The following CSMD1 variants were observed in gnomAD, a reference collection of about 807,000 sequenced individuals.
CSMD1 encodes the protein CUB and Sushi multiple domains 1, also known as CUB and sushi domain-containing protein 1.
In CSMD1, 213 loss-of-function variants were observed where a neutral mutation model predicts 417.5. That is an observed-to-expected ratio of 0.51 (90% confidence interval 0.46 to 0.57). The LOEUF is 0.57. Ranked by LOEUF, CSMD1 falls within the 20% of genes least tolerant of loss-of-function variation. The pLI is 0.00. For synonymous variants in CSMD1, 2,862 were observed against 1,736.8 expected, an observed-to-expected ratio of 1.65 and a Z score of -16.11; for missense variants, 6,923 against 4,529.7, an observed-to-expected ratio of 1.53 and a Z score of -15.17.
At chr8:4,538,163 G>A (rs2406706) in intron 2 of CSMD1, among the ~76,000 whole-genome samples, 50,223 of 150,830 alleles carry the variant, frequency 0.33, 9,429 homozygotes, top group South Asian at 0.47. Flanking sequence ...CCATGACTCC[G>A]GTGTAACATG....
intron 50 of CSMD1, among the ~76,000 whole-genome samples, chr8:3,037,871 C>T (rs976250111): frequency 1.3e-5 from 2 of 152,148 alleles, no homozygotes; most frequent in East Asian, 3.9e-4. Flanking sequence ...GCTTCTTCTT[C>T]CCCAAGATTT....
chr8:3,378,433 A>G (rs1810445006), intron 18 of CSMD1, among the ~76,000 whole-genome samples: 1 of 152,142 alleles, frequency 6.6e-6, no homozygotes. Context: ...AAACCTGGCA[A>G]AGGCACAGCA....
rs190596590 is a variant in CSMD1, at chr8:3,927,551, G to C, written c.818+70352C>G. Among the ~76,000 whole-genome samples the C allele has an allele frequency of 1.1e-4, 17 of 152,126 alleles. No homozygotes were observed. In the East Asian group the frequency reaches 2.7e-3, roughly 24 times the overall value. The stretch of plus-strand genomic sequence containing the variant: ...GTGGTGGTGCATCACTGTAATCCCA[G>C]CTACTAGAGAGGCTGAGGCAGGAGA... On this transcript the variant is annotated intron_variant, in intron 5 of 69. Transcript: ENST00000635120.
chr8:4,398,175 A>T (rs901897126), intron 3 of CSMD1, among the ~76,000 whole-genome samples: 1 of 152,144 alleles, frequency 6.6e-6, no homozygotes, highest in Non-Finnish European at 1.5e-5. Context: ...TTTCCTGACA[A>T]CAGAACTCCA....
intron 3 of CSMD1, among the ~76,000 whole-genome samples, chr8:4,052,464 G>T (rs967004117): frequency 6.6e-6 from 1 of 152,194 alleles, no homozygotes; most frequent in African/African-American, 2.4e-5. Context: ...CCCACTGCAA[G>T]ATGGATAATC....
intron 3 of CSMD1, among the ~76,000 whole-genome samples, chr8:4,150,677 G>A (rs1796522061): frequency 6.6e-6 from 1 of 152,160 alleles, no homozygotes; most frequent in South Asian, 2.1e-4. Flanking sequence ...GATAAGGAGT[G>A]TTTAGCATTT....
chr8:4,904,591 A>G (rs539016212), intron 1 of CSMD1, among the ~76,000 whole-genome samples: 1 of 152,256 alleles, frequency 6.6e-6, no homozygotes, highest in African/African-American at 2.4e-5. Flanking sequence ...AGTGAATATC[A>G]TTAAGCACAT....
intron 1 of CSMD1, among the ~76,000 whole-genome samples, chr8:4,990,326 G>T (rs1043951545): frequency 6.6e-6 from 1 of 152,026 alleles, no homozygotes; most frequent in Non-Finnish European, 1.5e-5. Context: ...AACATGATCT[G>T]CTCAGCAATA....
intron 1 of CSMD1, among the ~76,000 whole-genome samples, chr8:4,967,315 T>C (rs1210073644): frequency 1.3e-5 from 2 of 152,178 alleles, no homozygotes; most frequent in Non-Finnish European, 2.9e-5. Context: ...GTTGTCCTTC[T>C]CTGAACAATT....
At chr8:3,371,035 T>G (rs1809913491) in intron 18 of CSMD1, among the ~76,000 whole-genome samples, 1 of 152,084 alleles carries the variant, frequency 6.6e-6, no homozygotes, top group African/African-American at 2.4e-5. Context: ...GACATCCATC[T>G]TCTCTTGACC....
At chr8:3,665,153 A>G (rs1798618722) in intron 7 of CSMD1, among the ~76,000 whole-genome samples, 1 of 152,224 alleles carries the variant, frequency 6.6e-6, no homozygotes, top group Non-Finnish European at 1.5e-5. Flanking sequence ...ATGAGCATTG[A>G]CCAATGAGAT....
intron 7 of CSMD1, among the ~76,000 whole-genome samples, chr8:3,693,230 GC>G (rs2129033614): frequency 6.6e-6 from 1 of 152,248 alleles, no homozygotes; most frequent in Non-Finnish European, 1.5e-5. Context: ...ACGACAACAG[GC>G]ATAATATGTT....
At chr8:4,724,530 G>C (rs1192480217) in intron 1 of CSMD1, among the ~76,000 whole-genome samples, 67 of 148,060 alleles carry the variant, frequency 4.5e-4, no homozygotes, top group Admixed American at 8.1e-4. Flanking sequence ...ATGTGTGTGT[G>C]TGTGTGTGTG....
intron 1 of CSMD1, among the ~76,000 whole-genome samples, chr8:4,763,321 C>T (rs936722380): frequency 2.0e-5 from 3 of 152,170 alleles, no homozygotes; most frequent in African/African-American, 7.2e-5. Context: ...CCTGAATGAT[C>T]TCATCCCCAA....
intron 3 of CSMD1, among the ~76,000 whole-genome samples, chr8:4,418,807 C>T (rs111928781): frequency 6.6e-6 from 1 of 152,102 alleles, no homozygotes; most frequent in Admixed American, 6.6e-5. Context: ...TAGTAACGTA[C>T]TTAAAGGTGA....
intron 2 of CSMD1, among the ~76,000 whole-genome samples, chr8:4,518,192 G>A (rs1042029965): frequency 5.9e-5 from 9 of 152,104 alleles, no homozygotes; most frequent in African/African-American, 2.2e-4. Context: ...TGATATTCAT[G>A]TGGGCTGACT....
At chr8:4,849,227 TAAAG>T (rs529256606) in intron 1 of CSMD1, among the ~76,000 whole-genome samples, 310 of 152,178 alleles carry the variant, frequency 2.0e-3, no homozygotes, top group African/African-American at 7.1e-3. Context: ...AATAAAGCTA[TAAAG>T]AAAGAAAATA....
chr8:4,160,689 C>G (rs1418483936), intron 3 of CSMD1, among the ~76,000 whole-genome samples: 1 of 152,246 alleles, frequency 6.6e-6, no homozygotes, highest in Non-Finnish European at 1.5e-5. Flanking sequence ...ATGTCCCACA[C>G]TCCATGTCTT....
intron 2 of CSMD1, among the ~76,000 whole-genome samples, chr8:4,472,956 T>C (rs1800617597): frequency 6.6e-6 from 1 of 151,912 alleles, no homozygotes; most frequent in Non-Finnish European, 1.5e-5. Flanking sequence ...TACAGTAACA[T>C]TACCTATTTA....
Sources: gnomAD v4.1 joint callset for allele counts (sites outside exome capture counted in the v4.1 genomes callset) on GRCh38, gnomAD v4.1.1 for gene constraint, MANE v1.5 for transcripts, NCBI Gene and HGNC (gene_info 2026-07-23, HGNC 2026-07-21) for gene names.